The following ATP9B variants were observed in gnomAD, a reference collection of about 807,000 sequenced individuals.
ATP9B encodes ATPase phospholipid transporting 9B.
A neutral mutation model predicts 146.1 loss-of-function variants in ATP9B; 110 were observed. The observed-to-expected ratio is 0.75, with a 90% CI of 0.65 to 0.88. The LOEUF is 0.88. Among genes scored for constraint, ATP9B ranks in the 40% least tolerant of loss-of-function variants. The probability of loss-of-function intolerance (pLI) is 0.00; values close to 1 mark genes in which losing one functional copy is unlikely to be tolerated. For missense variants in ATP9B, 1,499 were observed against 1,496.4 expected (o/e 1.00, Z -0.03); for synonymous variants, 604 against 569.7 (o/e 1.06, Z -0.86).
intron 17 of ATP9B, among the ~76,000 whole-genome samples, chr18:79,336,228 C>CATGCCCTCCCTGGCACCAG (rs2096825965): frequency 6.6e-6 from 1 of 150,404 alleles, no homozygotes; most frequent in Non-Finnish European, 1.5e-5. Context: ...GTGCACCCTC[C>CATGCCCTCCCTGGCACCAG]GTGTGTTCTT....
intron 11 of ATP9B, among the ~76,000 whole-genome samples, chr18:79,235,311 A>G (rs1456711413): frequency 6.6e-6 from 1 of 152,236 alleles, no homozygotes; most frequent in Admixed American, 6.5e-5. Flanking sequence ...TCCACATATC[A>G]TATTACTAAC....
intron 11 of ATP9B, among the ~76,000 whole-genome samples, chr18:79,250,962 A>C (rs2145014388): frequency 6.6e-6 from 1 of 152,268 alleles, no homozygotes; most frequent in South Asian, 2.1e-4. Context: ...CTTTCTTGGG[A>C]GAATATAGAG....
chr18:79,133,202 T>C (rs1450107812), intron 5 of ATP9B, among the ~76,000 whole-genome samples: 1 of 152,084 alleles, frequency 6.6e-6, no homozygotes, highest in Non-Finnish European at 1.5e-5. Context: ...TTTCTTGAAG[T>C]GTACTTAAAT....
At chr18:79,221,457 C>T (rs1040711133) in intron 11 of ATP9B, among the ~76,000 whole-genome samples, 1 of 152,202 alleles carries the variant, frequency 6.6e-6, no homozygotes, top group Non-Finnish European at 1.5e-5. Context: ...CACAGTGGCT[C>T]GTGCCTGTAA....
chr18:79,253,347 T>G, intron 11 of ATP9B, 34 bp from the exon 12 acceptor site: 1 of 1,582,644 alleles, frequency 6.3e-7, no homozygotes, highest in Non-Finnish European at 8.6e-7. Flanking sequence ...ACATTGTGGT[T>G]AGCTTGTTCA....
At chr18:79,137,070 A>G (rs2094456419) in intron 5 of ATP9B, among the ~76,000 whole-genome samples, 1 of 152,242 alleles carries the variant, frequency 6.6e-6, no homozygotes. Flanking sequence ...GGGTGGAGAC[A>G]CAGCCAAACC....
At chr18:79,075,565 T>C (rs1038355165) in intron 1 of ATP9B, among the ~76,000 whole-genome samples, 4 of 152,232 alleles carry the variant, frequency 2.6e-5, no homozygotes, top group Admixed American at 6.5e-5. Flanking sequence ...AGTTCACCCA[T>C]GTGTCTCTGG....
In ATP9B at chr18:79,347,598, CCT is replaced by C. The variant is rs150237375; in HGVS notation, c.2683-171_2683-170del. Among the ~76,000 whole-genome samples the C allele has an allele frequency of 1.1e-4, 16 of 152,298 alleles. No individual in the cohort carries two copies. In the East Asian group the frequency reaches 2.7e-3, roughly 26 times the overall value. On this transcript the variant is annotated intron_variant, in intron 23 of 29. Transcript: ENST00000426216. Reference sequence around the variant, plus strand: ...GCTGGTGCTGGGGGCTCTTCCTGCCCCTGTGTCTGAGACCATAGGACCTGTCC... The same window carrying C: ...GCTGGTGCTGGGGGCTCTTCCTGCCCGTGTCTGAGACCATAGGACCTGTCC...
chr18:79,079,501 G>A (rs1400031603), intron 1 of ATP9B, among the ~76,000 whole-genome samples: 3 of 152,044 alleles, frequency 2.0e-5, no homozygotes, highest in African/African-American at 7.3e-5. Flanking sequence ...GGATTCGTTT[G>A]TTTTTTTCTT....
chr18:79,169,976 A>G (rs763441103), intron 7 of ATP9B, among the ~76,000 whole-genome samples: 7 of 152,162 alleles, frequency 4.6e-5, no homozygotes, highest in South Asian at 2.1e-4. Flanking sequence ...CGACTCCCCA[A>G]TACTTAAAGC....
At chr18:79,153,379 C>T (rs1008220706) in intron 6 of ATP9B, among the ~76,000 whole-genome samples, 2 of 152,012 alleles carry the variant, frequency 1.3e-5, no homozygotes, top group African/African-American at 4.8e-5. Context: ...TTGAGTTTTT[C>T]TGTGTCATGA....
chr18:79,173,821 G>C (rs2095117571), intron 7 of ATP9B: 1 of 450,558 alleles, frequency 2.2e-6, no homozygotes, highest in Non-Finnish European at 4.4e-6. Context: ...ACAACTTTTA[G>C]CTGTTTTAAA....
In ATP9B at chr18:79,167,917, G is replaced by A. The variant is rs539062598; in HGVS notation, c.779-8896G>A. ...TTCCCAGGCTGTTTGTCCCAAGGTT[G>A]CCTGCAGGCCTGCCCCGAGCCACCC... On this transcript the variant is annotated intron_variant, in intron 7 of 29. Transcript: ENST00000426216. Among the ~76,000 whole-genome samples the A allele has an allele frequency of 2.8e-3, 429 of 151,306 alleles. 8 individuals are homozygous for A. The East Asian group carries it at 0.048, about 17-fold the overall frequency.
chr18:79,124,971 G>C (rs1362279224), intron 4 of ATP9B, among the ~76,000 whole-genome samples: 1 of 152,200 alleles, frequency 6.6e-6, no homozygotes. Flanking sequence ...ACAGCCAGGA[G>C]AATGTGGTGT....
At chr18:79,093,205 T>G (rs1360754482) in intron 1 of ATP9B, among the ~76,000 whole-genome samples, 1 of 152,136 alleles carries the variant, frequency 6.6e-6, no homozygotes, top group Non-Finnish European at 1.5e-5. Context: ...ATTTTTCCAT[T>G]TTTTTTACTT....
chr18:79,207,234 G>A (rs1475914101), intron 10 of ATP9B, among the ~76,000 whole-genome samples: 1 of 151,022 alleles, frequency 6.6e-6, no homozygotes, highest in East Asian at 1.9e-4. Flanking sequence ...CCTGAGACAG[G>A]GAGAGGTGCT....
intron 13 of ATP9B, among the ~76,000 whole-genome samples, chr18:79,284,158 C>G (rs1490754385): frequency 6.6e-6 from 1 of 152,150 alleles, no homozygotes; most frequent in African/African-American, 2.4e-5. Context: ...GCAAGCATGA[C>G]GTGTGTGCTA....
intron 11 of ATP9B, among the ~76,000 whole-genome samples, chr18:79,224,329 G>A (rs139161894): frequency 6.6e-5 from 10 of 152,278 alleles, no homozygotes; most frequent in African/African-American, 1.7e-4. Context: ...ATCATGCCCC[G>A]TGATTTCTGA....
At chr18:79,206,614 ATAACACCTC>A (rs2095535658) in intron 9 of ATP9B, among the ~76,000 whole-genome samples, 2 of 131,232 alleles carry the variant, frequency 1.5e-5, no homozygotes, top group Admixed American at 8.5e-5. Flanking sequence ...GGGCAGCATA[ATAACACCTC>A]ATAAATAAAT....
Sources: allele counts gnomAD v4.1 joint callset (sites outside exome capture counted in the v4.1 genomes callset), GRCh38; gene constraint gnomAD v4.1.1; transcripts MANE v1.5; gene names NCBI Gene and HGNC (gene_info 2026-07-23, HGNC 2026-07-21).